Variants in PHLPP1 observed in about 807,000 individuals in gnomAD.
PHLPP1 encodes the protein PH domain and leucine rich repeat protein phosphatase 1.
A neutral mutation model predicts 117.2 loss-of-function variants in PHLPP1; 42 were observed. The observed-to-expected ratio is 0.36, with a 90% CI of 0.28 to 0.46. The LOEUF (loss-of-function observed/expected upper bound fraction) is 0.46, where lower values mean the gene tolerates loss of function less well. Among genes scored for constraint, PHLPP1 ranks in the 20% least tolerant of loss-of-function variants. The pLI, the probability that PHLPP1 is intolerant of heterozygous loss-of-function variation, is 1.00. For synonymous variants in PHLPP1, 1,042 were observed against 970.7 expected (o/e 1.07, Z -1.37); for missense variants, 2,084 against 2,241.9 (o/e 0.93, Z 1.42).
intron 14 of PHLPP1, among the ~76,000 whole-genome samples, chr18:62,965,180 C>T (rs552687485): frequency 2.4e-4 from 37 of 152,258 alleles, no homozygotes; most frequent in African/African-American, 8.9e-4. Flanking sequence ...TTGGTTTTGC[C>T]AATAAAAGTT....
Position 62,903,073 on chromosome 18 carries a change from A to C in PHLPP1, c.2554A>C (p.Asn852His). The change falls in exon 7 of 17, where the codon AAC becomes CAC. Residue 852 changes from asparagine to histidine, a missense_variant. By Grantham distance (68) the Asn-to-His change is moderately conservative. Transcript: ENST00000262719. ...TGGTGATCTAGATGCTATGATTTTCAACAACATTGAAGTTTTACACTGTGA... is the reference window on the plus strand; with the variant it reads ...TGGTGATCTAGATGCTATGATTTTCCACAACATTGAAGTTTTACACTGTGA... ...KLGDLDAMIFNNIEVLHCERN... is the reference protein window; with the variant it reads ...KLGDLDAMIFHNIEVLHCERN... 4 of 1,613,556 alleles carry C rather than the reference A, an allele frequency of 2.5e-6. No individual in the cohort carries two copies. Among genetic ancestry groups the C allele is most frequent in the Non-Finnish European group, 3.4e-6 (4 of 1,179,616 alleles).
chr18:62,727,018 A>G lies in PHLPP1; in HGVS notation c.1576+9759A>G, dbSNP rs530148728. On this transcript the variant is annotated intron_variant, in intron 1 of 16. Transcript: ENST00000262719. ...CGAGGTAGGTGGATCACCTGAGGCCAGGAATTCAAGACCAACCTGACCAAC... is the reference window on the plus strand; with the variant it reads ...CGAGGTAGGTGGATCACCTGAGGCCGGGAATTCAAGACCAACCTGACCAAC... Among the ~76,000 whole-genome samples, 10 of 151,854 alleles carry G rather than the reference A, an allele frequency of 6.6e-5. 1 individual carries two copies. In the South Asian group the frequency reaches 1.9e-3, roughly 28 times the overall value.
intron 12 of PHLPP1, among the ~76,000 whole-genome samples, chr18:62,948,262 C>G (rs1286518995): frequency 6.6e-6 from 1 of 151,328 alleles, no homozygotes; most frequent in African/African-American, 2.4e-5. Context: ...GAGGGGGAAG[C>G]TACAGTGAGC....
chr18:62,783,474 C>T (rs1482255742), intron 1 of PHLPP1, among the ~76,000 whole-genome samples: 4 of 151,944 alleles, frequency 2.6e-5, no homozygotes, highest in Non-Finnish European at 2.9e-5. Context: ...GTGATCTGCC[C>T]GCCTTGGCCT....
chr18:62,775,222 T>C (rs1378267059), intron 1 of PHLPP1, among the ~76,000 whole-genome samples: 1 of 152,056 alleles, frequency 6.6e-6, no homozygotes, highest in Non-Finnish European at 1.5e-5. Context: ...CTCAGCCTCC[T>C]GAGTAGCTGG....
At chr18:62,741,564 ACTT>A (rs950607306) in intron 1 of PHLPP1, among the ~76,000 whole-genome samples, 55 of 152,134 alleles carry the variant, frequency 3.6e-4, no homozygotes, top group African/African-American at 1.2e-3. Flanking sequence ...TCTTGCAAAT[ACTT>A]CTTGAACTTT....
chr18:62,782,149 A>G (rs938330566), intron 1 of PHLPP1, among the ~76,000 whole-genome samples: 17 of 152,218 alleles, frequency 1.1e-4, no homozygotes, highest in African/African-American at 4.1e-4. Context: ...TTACGCAAAC[A>G]CTTCGCTGCC....
intron 4 of PHLPP1, among the ~76,000 whole-genome samples, chr18:62,879,784 ATCAGAACTTACAGTGATGGGGC>A (rs1916133210): frequency 6.6e-6 from 1 of 152,192 alleles, no homozygotes. Flanking sequence ...CCAGACCTGA[ATCAGAACTTACAGTGATGGGGC>A]CCAAGAATCT....
chr18:62,893,857 G>C lies in PHLPP1; in HGVS notation c.2067-1154G>C, dbSNP rs531413344. Among the ~76,000 whole-genome samples the C allele has an allele frequency of 2.0e-5, 3 of 152,170 alleles. No homozygotes were observed. In the South Asian group the frequency reaches 6.2e-4, roughly 32 times the overall value. ...TGCTTGGGCAACTGTGAAAATGAAA[G>C]GGCTATTAACAAAAATAGAGGAAAA... is the stretch of plus-strand genomic sequence containing the variant. On this transcript the variant is annotated intron_variant, in intron 4 of 16. Coordinates refer to ENST00000262719, the MANE Select transcript of PHLPP1 (RefSeq NM_194449.4).
At chr18:62,719,481 G>C (rs1213989632) in intron 1 of PHLPP1, among the ~76,000 whole-genome samples, 1 of 152,202 alleles carries the variant, frequency 6.6e-6, no homozygotes, top group Non-Finnish European at 1.5e-5. Flanking sequence ...TCCACATATA[G>C]TGAAGGTTTG....
At chr18:62,921,741 A>T (rs1371643183) in intron 10 of PHLPP1, among the ~76,000 whole-genome samples, 1 of 152,226 alleles carries the variant, frequency 6.6e-6, no homozygotes, top group Non-Finnish European at 1.5e-5. Flanking sequence ...ATCTTTAATA[A>T]GAGTAAAAAA....
chr18:62,775,192 G>A (rs1054237354), intron 1 of PHLPP1, among the ~76,000 whole-genome samples: 13 of 152,080 alleles, frequency 8.5e-5, no homozygotes, highest in Admixed American at 6.6e-5. Flanking sequence ...CTGCCTCCCG[G>A]GTTCAAGCAA....
chr18:62,794,205 A>T (rs932347818), intron 1 of PHLPP1, among the ~76,000 whole-genome samples: 1 of 152,084 alleles, frequency 6.6e-6, no homozygotes, highest in South Asian at 2.1e-4. Flanking sequence ...GAAAAAAGTG[A>T]TAGATTTGAA....
At chr18:62,766,104 A>ATATATATATATATATATATAT (rs1289379653) in intron 1 of PHLPP1, among the ~76,000 whole-genome samples, 21 of 40,948 alleles carry the variant, frequency 5.1e-4, no homozygotes, top group East Asian at 1.1e-3. Context: ...TATATATATA[A>ATATATATATATATATATATAT]AATATATATA....
At chr18:62,849,824 A>ATATATATATATATATATAT (rs1450269021) in intron 3 of PHLPP1, among the ~76,000 whole-genome samples, 1 of 44,760 alleles carries the variant, frequency 2.2e-5, no homozygotes, top group African/African-American at 9.4e-5. Flanking sequence ...AAAAAAAAAA[A>ATATATATATATATATATAT]AAAAAAAAAT....
At chr18:62,855,881 T>G (rs941340599) in intron 3 of PHLPP1, among the ~76,000 whole-genome samples, 5 of 152,172 alleles carry the variant, frequency 3.3e-5, no homozygotes, top group Non-Finnish European at 7.4e-5. Context: ...GGAGGAGGTA[T>G]AAGGTCGTCT....
intron 10 of PHLPP1, among the ~76,000 whole-genome samples, chr18:62,938,076 A>G (rs970215775): frequency 2.0e-5 from 3 of 152,224 alleles, no homozygotes; most frequent in Non-Finnish European, 4.4e-5. Context: ...GTACCTTACA[A>G]ATGAAAAGAA....
At chr18:62,793,448 A>T (rs924600930) in intron 1 of PHLPP1, among the ~76,000 whole-genome samples, 2 of 152,172 alleles carry the variant, frequency 1.3e-5, no homozygotes, top group Non-Finnish European at 2.9e-5. Context: ...ATGGAACTTG[A>T]TCTACTTATA....
At chr18:62,931,542 C>G (rs1173660524) in intron 10 of PHLPP1, among the ~76,000 whole-genome samples, 1 of 140,624 alleles carries the variant, frequency 7.1e-6, no homozygotes, top group South Asian at 2.4e-4. Context: ...GTCAGTGAAA[C>G]AAAAAGTTGG....
Sources: gnomAD v4.1 joint callset for allele counts (sites outside exome capture counted in the v4.1 genomes callset) on GRCh38, gnomAD v4.1.1 for gene constraint, MANE v1.5 for transcripts, NCBI Gene and HGNC (gene_info 2026-07-23, HGNC 2026-07-21) for gene names.